Variants in HPSE2 observed in about 807,000 individuals in gnomAD.
The protein encoded by HPSE2 is heparanase 2 (inactive).
A neutral mutation model predicts 60.5 loss-of-function variants in HPSE2; 38 were observed. The ratio of observed to expected loss-of-function variants is 0.63; its 90% confidence interval spans 0.48 to 0.82. The LOEUF (loss-of-function observed/expected upper bound fraction) is 0.82. Ranked by LOEUF, HPSE2 falls within the 40% of genes least tolerant of loss-of-function variation. The pLI is 0.00. For synonymous variants in HPSE2, 295 were observed against 293.2 expected, an observed-to-expected ratio of 1.01 and a Z score of -0.06; for missense variants, 713 against 740.4, an observed-to-expected ratio of 0.96 and a Z score of 0.43.
At chr10:98,608,270 T>C (rs2133960398) in intron 9 of HPSE2, among the ~76,000 whole-genome samples, 1 of 152,300 alleles carries the variant, frequency 6.6e-6, no homozygotes, top group African/African-American at 2.4e-5. Flanking sequence ...TGAAGACTCA[T>C]GTAACTAGAA....
At chr10:98,675,574 ACAC>A (rs1180340379) in intron 6 of HPSE2, among the ~76,000 whole-genome samples, 1 of 151,564 alleles carries the variant, frequency 6.6e-6, no homozygotes, top group African/African-American at 2.4e-5. Context: ...ACACACACAC[ACAC>A]AATAACCAGC....
intron 9 of HPSE2, among the ~76,000 whole-genome samples, chr10:98,563,398 C>G (rs1944247569): frequency 6.6e-6 from 1 of 151,072 alleles, no homozygotes; most frequent in Non-Finnish European, 1.5e-5. Flanking sequence ...TTAGTGATTA[C>G]TTAGGGCTGG....
intron 6 of HPSE2, among the ~76,000 whole-genome samples, chr10:98,678,355 T>A (rs1947700106): frequency 6.6e-6 from 1 of 152,154 alleles, no homozygotes; most frequent in Non-Finnish European, 1.5e-5. Flanking sequence ...CAGGCAGCCA[T>A]CTTCTATGGT....
chr10:99,315,217 T>C, the HPSE2 span, among the ~76,000 whole-genome samples: 1 of 152,242 alleles, frequency 6.6e-6, no homozygotes, highest in African/African-American at 2.4e-5. Flanking sequence ...AAAATATTTC[T>C]ACATACCACA....
At chr10:99,237,211 G>A (rs1714698465), upstream of HPSE2, among the ~76,000 whole-genome samples, 1 of 152,168 alleles carries the variant, frequency 6.6e-6, no homozygotes, top group South Asian at 2.1e-4. Context: ...GACAAAATGG[G>A]ACTTCTACTT....
chr10:98,952,009 G>A (rs1955369788), intron 3 of HPSE2, among the ~76,000 whole-genome samples: 1 of 152,170 alleles, frequency 6.6e-6, no homozygotes. Flanking sequence ...AGCCCAGGTA[G>A]CTGATTCCAA....
At position 98,796,530 on chromosome 10, in the gene HPSE2, C is replaced by T. The variant is rs374725157; in HGVS notation, c.611-52474G>A. 2.6e-4 allele frequency among the ~76,000 whole-genome samples: 39 copies of T among 152,304 alleles called. No homozygotes were observed. In the East Asian group the frequency reaches 5.2e-3, roughly 20 times the overall value. On this transcript the variant is annotated intron_variant, in intron 3 of 11. Coordinates refer to ENST00000370552, the MANE Select transcript of HPSE2 (RefSeq NM_021828.5). The stretch of plus-strand genomic sequence containing the variant: ...GTAAAATGGAACATCAGGTAAATTT[C>T]TAAAGTTTTTGACTCCAATCCCCGG...
chr10:98,682,987 G>A (rs1396820069), intron 6 of HPSE2, among the ~76,000 whole-genome samples: 1 of 152,162 alleles, frequency 6.6e-6, no homozygotes, highest in Non-Finnish European at 1.5e-5. Flanking sequence ...TATATTCTAA[G>A]CAATAAGACA....
intron 2 of HPSE2, among the ~76,000 whole-genome samples, chr10:99,228,907 C>T (rs1386420124): frequency 6.6e-6 from 1 of 151,930 alleles, no homozygotes. Flanking sequence ...GGCACAGTGG[C>T]TCATGTCTGT....
Position 98,773,247 on chromosome 10 carries a change from A to G in HPSE2, c.611-29191T>C, listed in dbSNP as rs2134426865. 1.3e-5 allele frequency among the ~76,000 whole-genome samples: 2 copies of G among 152,168 alleles called. 1 individual carries two copies. Among genetic ancestry groups the G allele is most frequent in the East Asian group, 3.8e-4 (2 of 5,196 alleles). ...ATATTCTCCTATAATTTTTTAAATGAGACTAGCTCTAGGATCCTGTGGGTT... is the reference window on the plus strand; with the variant it reads ...ATATTCTCCTATAATTTTTTAAATGGGACTAGCTCTAGGATCCTGTGGGTT... On this transcript the variant is annotated intron_variant, in intron 3 of 11. Transcript: ENST00000370552.
chr10:98,965,470 T>C (rs1955789855), intron 3 of HPSE2, among the ~76,000 whole-genome samples: 1 of 151,826 alleles, frequency 6.6e-6, no homozygotes, highest in Non-Finnish European at 1.5e-5. Context: ...GCATGACACA[T>C]GGTAGGCATT....
intron 2 of HPSE2, among the ~76,000 whole-genome samples, chr10:99,195,221 A>G (rs1469661687): frequency 6.6e-6 from 1 of 152,168 alleles, no homozygotes; most frequent in African/African-American, 2.4e-5. Context: ...TATAAGGAAT[A>G]TGCCTTAACA....
rs192001865 is a variant in HPSE2 at position 99,214,087 on chromosome 10, C to G, written c.448+18261G>C. Reference sequence around the variant, plus strand: ...TCTCAAAAGAAGATCTACAAATGGTCAAAAAGCACAGGAAAAGATGCTCAA... The same window carrying G: ...TCTCAAAAGAAGATCTACAAATGGTGAAAAAGCACAGGAAAAGATGCTCAA... On this transcript the variant is annotated intron_variant, in intron 2 of 11. Coordinates refer to ENST00000370552, the MANE Select transcript of HPSE2 (RefSeq NM_021828.5). 6.4e-4 allele frequency among the ~76,000 whole-genome samples: 98 copies of G among 152,078 alleles called. No individual in the cohort carries two copies. In the East Asian group the frequency reaches 0.01, roughly 16 times the overall value.
intron 3 of HPSE2, among the ~76,000 whole-genome samples, chr10:98,776,052 C>A (rs1950332353): frequency 6.6e-6 from 1 of 152,110 alleles, no homozygotes; most frequent in Non-Finnish European, 1.5e-5. Flanking sequence ...GCCTCTATAT[C>A]ATTCACTCAA....
chr10:99,119,065 G>GAGAA (rs1317804945), intron 3 of HPSE2, among the ~76,000 whole-genome samples: 10 of 121,434 alleles, frequency 8.2e-5, no homozygotes, highest in Non-Finnish European at 1.6e-4. Context: ...AAGAAAGAGA[G>GAGAA]AGAAAGAAAG....
At chr10:99,169,236 T>TGGCTCACGCC (rs1847208213) in intron 2 of HPSE2, among the ~76,000 whole-genome samples, 1 of 142,440 alleles carries the variant, frequency 7.0e-6, no homozygotes, top group Non-Finnish European at 1.5e-5. Context: ...CTGGGCACGG[T>TGGCTCACGCC]GGCTCACGCC....
At chr10:98,954,840 C>A (rs1955462668) in intron 3 of HPSE2, among the ~76,000 whole-genome samples, 2 of 151,892 alleles carry the variant, frequency 1.3e-5, no homozygotes, top group African/African-American at 4.8e-5. Context: ...GATAGTGAAA[C>A]TACCAATAAC....
rs528327532 is a variant in HPSE2 at position 98,657,275 on chromosome 10, T to C, written c.1005-15335A>G. Among the ~76,000 whole-genome samples the C allele has an allele frequency of 3.7e-4, 56 of 151,414 alleles. No individual in the cohort carries two copies. The South Asian group carries it at 0.01, about 27-fold the overall frequency. On this transcript the variant is annotated intron_variant, in intron 6 of 11. Coordinates refer to ENST00000370552, the MANE Select transcript of HPSE2 (RefSeq NM_021828.5). The stretch of plus-strand genomic sequence containing the variant: ...CTTAGCCCTTATTTATACAAAGCAA[T>C]GCAAAGACCTTCAGTTTCGTATCCT...
chr10:98,470,093 A>T (rs1157675688), intron 11 of HPSE2, among the ~76,000 whole-genome samples: 1 of 113,442 alleles, frequency 8.8e-6, no homozygotes, highest in Non-Finnish European at 1.8e-5. Flanking sequence ...GAAGACAGGT[A>T]GGAAGGCAGG....
Sources: allele counts gnomAD v4.1 joint callset (sites outside exome capture counted in the v4.1 genomes callset), GRCh38; gene constraint gnomAD v4.1.1; transcripts MANE v1.5; gene names NCBI Gene and HGNC (gene_info 2026-07-23, HGNC 2026-07-21).